Variants in KHDRBS2 observed in about 807,000 individuals in gnomAD.
KHDRBS2 encodes KH RNA binding domain containing, signal transduction associated 2.
A neutral mutation model predicts 44.3 loss-of-function variants in KHDRBS2; 26 were observed. The observed-to-expected ratio is 0.59, with a 90% CI of 0.43 to 0.81. KHDRBS2 has a LOEUF of 0.81. Among genes scored for constraint, KHDRBS2 ranks in the 40% least tolerant of loss-of-function variants. The pLI is 0.00. For missense variants in KHDRBS2, 476 were observed against 433.1 expected (o/e 1.10, Z -0.88); for synonymous variants, 194 against 151.1 (o/e 1.28, Z -2.08).
At chr6:61,722,162 G>A (rs1197724337) in intron 7 of KHDRBS2, among the ~76,000 whole-genome samples, 4 of 152,256 alleles carry the variant, frequency 2.6e-5, no homozygotes, top group African/African-American at 9.6e-5. Context: ...TTTTTGATGT[G>A]CTGCTGGATT....
chr6:61,660,664 A>AAG, the KHDRBS2 span, among the ~76,000 whole-genome samples: 1 of 151,746 alleles, frequency 6.6e-6, no homozygotes, highest in Non-Finnish European at 1.5e-5. Flanking sequence ...ACAAATAATT[A>AAG]TAGTCCTATT....
chr6:62,280,949 G>T (rs187572101), intron 1 of KHDRBS2, among the ~76,000 whole-genome samples: 87 of 152,246 alleles, frequency 5.7e-4, no homozygotes, highest in African/African-American at 1.7e-3. Flanking sequence ...GGTGGTAGGA[G>T]GTTGAGGAAT....
chr6:62,248,116 T>A (rs1433434243), intron 1 of KHDRBS2, among the ~76,000 whole-genome samples: 1 of 152,090 alleles, frequency 6.6e-6, no homozygotes, highest in Non-Finnish European at 1.5e-5. Flanking sequence ...CACCTAGTTG[T>A]AGTCACAAGA....
At chr6:61,576,840 G>A in the KHDRBS2 span, among the ~76,000 whole-genome samples, 19 of 152,176 alleles carry the variant, frequency 1.2e-4, no homozygotes, top group South Asian at 3.7e-3. Context: ...ATTCTAATAT[G>A]TTTTATTTTT....
At chr6:62,226,244 A>T (rs750421348) in intron 1 of KHDRBS2, among the ~76,000 whole-genome samples, 21 of 152,144 alleles carry the variant, frequency 1.4e-4, no homozygotes, top group Non-Finnish European at 2.1e-4. Context: ...CTGGCATGAG[A>T]TGGTATCTTA....
chr6:61,942,459 T>C (rs1166402419), intron 4 of KHDRBS2, among the ~76,000 whole-genome samples: 1 of 151,954 alleles, frequency 6.6e-6, no homozygotes, highest in Non-Finnish European at 1.5e-5. Context: ...AAAACTTCAA[T>C]AATACACTAG....
intron 6 of KHDRBS2, among the ~76,000 whole-genome samples, chr6:61,775,693 A>G (rs984667342): frequency 6.6e-6 from 1 of 152,230 alleles, no homozygotes; most frequent in Non-Finnish European, 1.5e-5. Context: ...GGAAGAATCA[A>G]TATTGCGAAA....
At chr6:61,695,927 C>A (rs1327866846) in intron 8 of KHDRBS2, among the ~76,000 whole-genome samples, 1 of 152,100 alleles carries the variant, frequency 6.6e-6, no homozygotes, top group Non-Finnish European at 1.5e-5. Context: ...GTTTCCTTTT[C>A]TCTTCCCCAC....
At chr6:61,959,904 G>A (rs774316210) in intron 4 of KHDRBS2, among the ~76,000 whole-genome samples, 1 of 152,042 alleles carries the variant, frequency 6.6e-6, no homozygotes, top group Non-Finnish European at 1.5e-5. Flanking sequence ...ATTCTAGCTA[G>A]GTATATGTTT....
At chr6:61,666,020 A>T in the KHDRBS2 span, among the ~76,000 whole-genome samples, 12 of 151,362 alleles carry the variant, frequency 7.9e-5, no homozygotes, top group Middle Eastern at 4.3e-3. Context: ...TATTAGTCAT[A>T]TATACAAATC....
chr6:61,628,185 T>C, the KHDRBS2 span, among the ~76,000 whole-genome samples: 2 of 149,782 alleles, frequency 1.3e-5, no homozygotes, highest in Admixed American at 6.7e-5. Flanking sequence ...TGGCTTCAGT[T>C]CATGTCCACT....
At chr6:61,899,733 G>GC (rs34822365) in intron 5 of KHDRBS2, among the ~76,000 whole-genome samples, 21,593 of 122,612 alleles carry the variant, frequency 0.18, 2,057 homozygotes, top group East Asian at 0.22. Flanking sequence ...TTGTTTTAAT[G>GC]CCCCCCCCCC....
At chr6:61,661,828 T>C in the KHDRBS2 span, among the ~76,000 whole-genome samples, 1 of 151,888 alleles carries the variant, frequency 6.6e-6, no homozygotes. Context: ...CTGCCTAAGG[T>C]AATTTATAGA....
chr6:61,800,210 G>A lies in KHDRBS2; in HGVS notation c.811-67446C>T, dbSNP rs551713418. ...ATCTGGGTGTAAAACTTTTTCAAAG[G>A]GAATGATTAAGAACTAAATTTTATA... On this transcript the variant is annotated intron_variant, in intron 6 of 8. Transcript: ENST00000281156. Among the ~76,000 whole-genome samples, 19 of 152,004 alleles carry A rather than the reference G, an allele frequency of 1.2e-4. 1 individual carries two copies. The South Asian group carries it at 4.0e-3, about 32-fold the overall frequency.
intron 2 of KHDRBS2, among the ~76,000 whole-genome samples, chr6:62,123,980 TG>T (rs1054809943): frequency 5.3e-5 from 8 of 152,224 alleles, no homozygotes. Context: ...ACTGATTCAT[TG>T]ATTTTTCCCC....
intron 7 of KHDRBS2, among the ~76,000 whole-genome samples, chr6:61,726,707 G>T (rs889887346): frequency 6.6e-6 from 1 of 151,902 alleles, no homozygotes; most frequent in Non-Finnish European, 1.5e-5. Context: ...TAGAAGTCCA[G>T]CTAGCAAGGG....
intron 6 of KHDRBS2, among the ~76,000 whole-genome samples, chr6:61,742,326 G>A (rs1335197960): frequency 6.6e-6 from 1 of 151,808 alleles, no homozygotes; most frequent in African/African-American, 2.4e-5. Flanking sequence ...TACTACAAAA[G>A]CACTTCATGG....
At chr6:61,959,852 C>T (rs1175556900) in intron 4 of KHDRBS2, among the ~76,000 whole-genome samples, 2 of 152,130 alleles carry the variant, frequency 1.3e-5, no homozygotes, top group Non-Finnish European at 2.9e-5. Context: ...TGCTTAAATG[C>T]TTCTGTTAGA....
chr6:62,043,327 T>C (rs1341913639), intron 3 of KHDRBS2, among the ~76,000 whole-genome samples: 1 of 152,102 alleles, frequency 6.6e-6, no homozygotes, highest in Non-Finnish European at 1.5e-5. Flanking sequence ...GCTTTGTGGT[T>C]GTTTAGAACC....
Sources: gnomAD v4.1 joint callset for allele counts (sites outside exome capture counted in the v4.1 genomes callset) on GRCh38, gnomAD v4.1.1 for gene constraint, MANE v1.5 for transcripts, NCBI Gene and HGNC (gene_info 2026-07-23, HGNC 2026-07-21) for gene names.